Variants in ITFG1 observed in about 807,000 individuals in gnomAD.
ITFG1 encodes T-cell immunomodulatory protein.
Under a neutral mutation model 81.8 loss-of-function variants are expected in ITFG1, and 34 were observed. The ratio of observed to expected loss-of-function variants is 0.42; its 90% CI spans 0.32 to 0.55. ITFG1 has a LOEUF of 0.55. Ranked by LOEUF, ITFG1 falls within the 20% of genes least tolerant of loss-of-function variation. The pLI, the probability that ITFG1 is intolerant of heterozygous loss-of-function variation, is 0.17. For missense variants in ITFG1, 672 were observed against 755.4 expected, an observed-to-expected ratio of 0.89 and a Z score of 1.29; for synonymous variants, 285 against 270.6, an observed-to-expected ratio of 1.05 and a Z score of -0.52.
intron 10 of ITFG1, among the ~76,000 whole-genome samples, chr16:47,265,103 CTATTATTAT>C (rs140472658): frequency 6.7e-6 from 1 of 150,080 alleles, no homozygotes; most frequent in Non-Finnish European, 1.5e-5. Context: ...TTAATAACTG[CTATTATTAT>C]TATTATTATT....
intron 8 of ITFG1, among the ~76,000 whole-genome samples, chr16:47,341,623 G>C (rs1310205211): frequency 6.6e-6 from 1 of 151,690 alleles, no homozygotes; most frequent in Non-Finnish European, 1.5e-5. Context: ...TAAAACTAGA[G>C]AAAGATAAAG....
intron 17 of ITFG1, among the ~76,000 whole-genome samples, chr16:47,158,041 G>T (rs1964742472): frequency 6.6e-6 from 1 of 152,156 alleles, no homozygotes; most frequent in African/African-American, 2.4e-5. Context: ...TTATACTAAA[G>T]AACAGAAATC....
chr16:47,332,813 C>A (rs781688372), intron 8 of ITFG1, among the ~76,000 whole-genome samples: 1 of 152,178 alleles, frequency 6.6e-6, no homozygotes, highest in Non-Finnish European at 1.5e-5. Context: ...ATTTGTTAGG[C>A]ATAAGTCAGT....
intron 14 of ITFG1, among the ~76,000 whole-genome samples, chr16:47,214,958 ACACG>A (rs1160435254): frequency 6.3e-5 from 9 of 142,874 alleles, no homozygotes; most frequent in South Asian, 2.2e-4. Flanking sequence ...ACACACACAC[ACACG>A]CACGCACAAC....
chr16:47,175,644 T>C (rs1965015794), intron 14 of ITFG1, among the ~76,000 whole-genome samples: 1 of 152,192 alleles, frequency 6.6e-6, no homozygotes, highest in Non-Finnish European at 1.5e-5. Context: ...CTCCTATTAC[T>C]CCTTGCCTCT....
chr16:47,305,872 A>T (rs1967149980), intron 10 of ITFG1, among the ~76,000 whole-genome samples: 3 of 152,338 alleles, frequency 2.0e-5, no homozygotes, highest in Admixed American at 2.0e-4. Flanking sequence ...TTACTTGATA[A>T]TGTGTCCAGA....
chr16:47,369,964 G>C (rs1400235094), intron 7 of ITFG1, among the ~76,000 whole-genome samples: 1 of 147,916 alleles, frequency 6.8e-6, no homozygotes, highest in Non-Finnish European at 1.5e-5. Context: ...TCAGCCTCCC[G>C]AGTAGCTGGG....
intron 7 of ITFG1, 108 bp from the exon 8 acceptor site, chr16:47,365,977 T>G (rs1968172752): frequency 1.6e-6 from 1 of 614,308 alleles, no homozygotes; most frequent in Non-Finnish European, 2.9e-6. Context: ...TTCAGTATTT[T>G]GTTGTATTGC....
chr16:47,354,708 A>T (rs904639308), intron 8 of ITFG1, among the ~76,000 whole-genome samples: 4 of 152,122 alleles, frequency 2.6e-5, no homozygotes, highest in Non-Finnish European at 4.4e-5. Context: ...TACCAAAAAA[A>T]ATTGTGATTA....
chr16:47,272,182 A>C (rs1305938490), intron 10 of ITFG1, among the ~76,000 whole-genome samples: 2 of 152,230 alleles, frequency 1.3e-5, no homozygotes, highest in Non-Finnish European at 2.9e-5. Context: ...GTATAACTGC[A>C]TATACAAGAT....
intron 8 of ITFG1, among the ~76,000 whole-genome samples, chr16:47,338,669 TA>T (rs770053752): frequency 1.2e-3 from 187 of 151,320 alleles, no homozygotes; most frequent in African/African-American, 4.2e-3. Context: ...TTTTTTTTTT[TA>T]AATTTTTAAT....
intron 2 of ITFG1, 129 bp downstream of exon 2, chr16:47,458,974 C>T (rs1311832988): frequency 1.7e-6 from 1 of 595,824 alleles, no homozygotes; most frequent in Non-Finnish European, 3.0e-6. Flanking sequence ...ACTTGCTACT[C>T]ATACCTCACA....
Position 47,218,860 on chromosome 16 carries a change from G to T in ITFG1, c.1453+8C>A, listed in dbSNP as rs1405400621. ...TTTATACATTATGGACAATGTATCT[G>T]GTCTTACCTGATCCATTTTTCAGAT... is the stretch of plus-strand genomic sequence containing the variant. On this transcript the variant is annotated splice_region_variant and intron_variant, in intron 14 of 17. Transcript: ENST00000320640. 4 of 1,548,020 alleles carry T rather than the reference G, an allele frequency of 2.6e-6. No individual in the cohort carries two copies. The Admixed American group carries it at 5.3e-5, about 21-fold the overall frequency.
chr16:47,362,967 G>A (rs969815148), intron 8 of ITFG1, among the ~76,000 whole-genome samples: 1 of 152,120 alleles, frequency 6.6e-6, no homozygotes, highest in African/African-American at 2.4e-5. Context: ...CACGATCACT[G>A]TTCACTGCAA....
chr16:47,376,003 C>CA, intron 6 of ITFG1, 63 bp from the exon 7 acceptor site: 1 of 911,744 alleles, frequency 1.1e-6, no homozygotes, highest in South Asian at 1.6e-5. Context: ...CATTTAAAAA[C>CA]AGAAAAAAAA....
At chr16:47,364,221 T>A (rs1206184277) in intron 8 of ITFG1, among the ~76,000 whole-genome samples, 1 of 152,220 alleles carries the variant, frequency 6.6e-6, no homozygotes, top group Non-Finnish European at 1.5e-5. Flanking sequence ...AGTTTACTGA[T>A]GAACTACCCA....
chr16:47,458,521 A>C (rs1333028796), intron 2 of ITFG1, among the ~76,000 whole-genome samples: 1 of 152,194 alleles, frequency 6.6e-6, no homozygotes, highest in African/African-American at 2.4e-5. Context: ...GTAGTTTCAA[A>C]ACTGTGTTGG....
intron 8 of ITFG1, among the ~76,000 whole-genome samples, chr16:47,334,752 C>T (rs1046518522): frequency 1.3e-5 from 2 of 152,160 alleles, no homozygotes; most frequent in Non-Finnish European, 2.9e-5. Flanking sequence ...TCTAATTTTT[C>T]AGACAGGTCC....
chr16:47,346,638 A>G (rs1482793418), intron 8 of ITFG1, among the ~76,000 whole-genome samples: 1 of 152,236 alleles, frequency 6.6e-6, no homozygotes, highest in Non-Finnish European at 1.5e-5. Flanking sequence ...ATGAACAACT[A>G]TATGCCAACA....
Sources: gnomAD v4.1 joint callset for allele counts (sites outside exome capture counted in the v4.1 genomes callset) on GRCh38, gnomAD v4.1.1 for gene constraint, MANE v1.5 for transcripts, NCBI Gene and HGNC (gene_info 2026-07-23, HGNC 2026-07-21) for gene names.